The following EDIL3 variants were observed in gnomAD, a reference collection of about 807,000 sequenced individuals.
The protein encoded by EDIL3 is EGF-like repeat and discoidin I-like domain-containing protein 3.
Under a neutral mutation model 67.4 loss-of-function variants are expected in EDIL3, and 37 were observed. The ratio of observed to expected loss-of-function variants is 0.55; its 90% CI spans 0.42 to 0.72. The LOEUF is 0.72. Among genes scored for constraint, EDIL3 ranks in the 30% least tolerant of loss-of-function variants. EDIL3 has a pLI of 0.00. For synonymous variants in EDIL3, 195 were observed against 196.3 expected (o/e 0.99, Z 0.05); for missense variants, 527 against 586.3 (o/e 0.90, Z 1.04).
chr5:84,175,482 C>T (rs553666953), intron 4 of EDIL3, among the ~76,000 whole-genome samples: 7 of 152,168 alleles, frequency 4.6e-5, no homozygotes, highest in African/African-American at 1.2e-4. Flanking sequence ...TGTCCTGAAA[C>T]GCCTCATCTG....
At chr5:84,021,886 T>A (rs920954079) in intron 9 of EDIL3, among the ~76,000 whole-genome samples, 1 of 151,830 alleles carries the variant, frequency 6.6e-6, no homozygotes, top group African/African-American at 2.4e-5. Flanking sequence ...CAATAATGAA[T>A]AGTGAGATTG....
At chr5:84,099,300 T>G (rs1747319413) in intron 6 of EDIL3, among the ~76,000 whole-genome samples, 1 of 146,922 alleles carries the variant, frequency 6.8e-6, no homozygotes, top group African/African-American at 2.5e-5. Flanking sequence ...AAGACAATCC[T>G]AAGCAGAAAG....
chr5:84,207,246 C>T (rs1319447265), intron 3 of EDIL3, among the ~76,000 whole-genome samples: 1 of 152,128 alleles, frequency 6.6e-6, no homozygotes. Flanking sequence ...TTCTTATACA[C>T]CAATAACAGA....
intron 9 of EDIL3, among the ~76,000 whole-genome samples, chr5:84,017,291 T>C (rs879498614): frequency 5.3e-5 from 8 of 152,186 alleles, no homozygotes; most frequent in Non-Finnish European, 1.0e-4. Flanking sequence ...GCTTTGCTAC[T>C]GGCGAGCTTT....
In EDIL3 at chr5:84,156,494, G is replaced by A. The variant is rs150531254; in HGVS notation, c.356-19140C>T. 3.4e-3 allele frequency among the ~76,000 whole-genome samples: 517 copies of A among 152,114 alleles called. 4 individuals are homozygous for A. Among genetic ancestry groups the A allele is most frequent in the African/African-American group, 4.0e-3 (167 of 41,500 alleles). On this transcript the variant is annotated intron_variant, in intron 4 of 10. Coordinates refer to ENST00000296591, the MANE Select transcript of EDIL3 (RefSeq NM_005711.5). Reference sequence around the variant, plus strand: ...CACTGGGGTGCTAATAGTCCCTCTCGCTACTTTTAGTCTATTACAAACTTA... The same window carrying A: ...CACTGGGGTGCTAATAGTCCCTCTCACTACTTTTAGTCTATTACAAACTTA...
intron 1 of EDIL3, among the ~76,000 whole-genome samples, chr5:84,295,905 A>C (rs112383544): frequency 3.9e-5 from 6 of 152,176 alleles, no homozygotes; most frequent in African/African-American, 1.4e-4. Flanking sequence ...ATAGGTTATT[A>C]CAGGCATGTG....
chr5:84,223,049 T>C (rs999355703), intron 3 of EDIL3, among the ~76,000 whole-genome samples: 3 of 151,842 alleles, frequency 2.0e-5, no homozygotes, highest in African/African-American at 7.2e-5. Context: ...CAAAAAATCA[T>C]AGTCAAGGGG....
In EDIL3 at chr5:84,293,884, TG is replaced by T. The variant is rs1381522182; in HGVS notation, c.68-39673del. ...ACTTTTCTGTTTATATGTAATTTCT[TG>T]CAACAAAAGTCTTAATACATTTATA... On this transcript the variant is annotated intron_variant, in intron 1 of 10. Coordinates refer to ENST00000296591, the MANE Select transcript of EDIL3 (RefSeq NM_005711.5). Among the ~76,000 whole-genome samples the T allele has an allele frequency of 1.3e-4, 20 of 151,964 alleles. No individual in the cohort carries two copies. In the East Asian group the frequency reaches 3.7e-3, roughly 28 times the overall value.
At chr5:83,956,695 C>A (rs866174288) in intron 10 of EDIL3, among the ~76,000 whole-genome samples, 3 of 151,596 alleles carry the variant, frequency 2.0e-5, no homozygotes, top group South Asian at 2.1e-4. Flanking sequence ...CTAGTCAGGT[C>A]TCATAATATT....
chr5:84,343,063 A>G (rs1747158365), intron 1 of EDIL3, among the ~76,000 whole-genome samples: 1 of 152,050 alleles, frequency 6.6e-6, no homozygotes. Context: ...ACATAATATA[A>G]TTTTCAATGG....
intron 10 of EDIL3, among the ~76,000 whole-genome samples, chr5:83,956,324 TA>T (rs772230409): frequency 3.3e-5 from 5 of 151,742 alleles, no homozygotes; most frequent in Admixed American, 6.6e-5. Flanking sequence ...AATACTTTTT[TA>T]GGAGACCCAG....
chr5:84,117,023 T>TTTTTTG, intron 5 of EDIL3, among the ~76,000 whole-genome samples: 1 of 122,918 alleles, frequency 8.1e-6, no homozygotes, highest in Non-Finnish European at 1.7e-5. Flanking sequence ...AGTACTTATT[T>TTTTTTG]TTTTTTTTTT....
At chr5:84,026,264 A>G (rs1745811894) in intron 9 of EDIL3, among the ~76,000 whole-genome samples, 1 of 152,228 alleles carries the variant, frequency 6.6e-6, no homozygotes, top group African/African-American at 2.4e-5. Flanking sequence ...GATCCCACAG[A>G]TATTTTAAAT....
intron 2 of EDIL3, 43 bp from the exon 3 acceptor site, chr5:84,229,927 G>T: frequency 6.7e-7 from 1 of 1,482,918 alleles, no homozygotes; most frequent in Non-Finnish European, 9.2e-7. Context: ...GGGTAGAAGT[G>T]AAGGGAGGGA....
chr5:84,120,167 A>T (rs1405589447), intron 5 of EDIL3, among the ~76,000 whole-genome samples: 1 of 152,070 alleles, frequency 6.6e-6, no homozygotes, highest in African/African-American at 2.4e-5. Flanking sequence ...ACACCTTTGC[A>T]CAAGAGTTGT....
At chr5:83,977,766 T>C (rs1254881734) in intron 9 of EDIL3, among the ~76,000 whole-genome samples, 3 of 151,890 alleles carry the variant, frequency 2.0e-5, no homozygotes, top group East Asian at 1.9e-4. Context: ...TTTTTCATAG[T>C]GAATATTTTT....
intron 9 of EDIL3, among the ~76,000 whole-genome samples, chr5:84,041,839 G>A (rs1404843575): frequency 6.6e-6 from 1 of 151,870 alleles, no homozygotes; most frequent in Non-Finnish European, 1.5e-5. Flanking sequence ...TTAACAAAGG[G>A]CCATCAAATC....
At chr5:84,108,621 AT>A in intron 5 of EDIL3, among the ~76,000 whole-genome samples, 1 of 152,328 alleles carries the variant, frequency 6.6e-6, no homozygotes, top group South Asian at 2.1e-4. Context: ...TTTGCTTTCC[AT>A]TTTAAACTTC....
intron 3 of EDIL3, among the ~76,000 whole-genome samples, chr5:84,199,510 AG>A (rs112599889): frequency 0.01 from 1,573 of 152,088 alleles, 33 homozygotes; most frequent in African/African-American, 0.036. Flanking sequence ...AATTGAATTA[AG>A]ATGCAGATTT....
Sources: allele counts gnomAD v4.1 joint callset (sites outside exome capture counted in the v4.1 genomes callset), GRCh38; gene constraint gnomAD v4.1.1; transcripts MANE v1.5; gene names NCBI Gene and HGNC (gene_info 2026-07-23, HGNC 2026-07-21).